The following CHSY3 variants were observed in gnomAD, a reference collection of about 807,000 sequenced individuals.
CHSY3 encodes N-acetylgalactosaminyl-proteoglycan 3-beta-glucuronosyltransferase 3.
CHSY3 carries 35 observed loss-of-function variants against 67.2 expected under a neutral mutation model. That is an observed-to-expected ratio of 0.52 (90% CI 0.40 to 0.69). The LOEUF is 0.69. Among genes scored for constraint, CHSY3 ranks in the 30% least tolerant of loss-of-function variants. The probability of loss-of-function intolerance (pLI) is 0.00; values close to 1 mark genes in which losing one functional copy is unlikely to be tolerated. For missense variants in CHSY3, 1,069 were observed against 1,138.5 expected (o/e 0.94, Z 0.88); for synonymous variants, 474 against 434.7 (o/e 1.09, Z -1.12).
intron 2 of CHSY3, among the ~76,000 whole-genome samples, chr5:129,944,584 C>T (rs891734080): frequency 5.3e-5 from 8 of 152,066 alleles, no homozygotes; most frequent in South Asian, 2.1e-4. Flanking sequence ...CTGCCCACCT[C>T]GGCCTTCCAA....
intron 2 of CHSY3, chr5:129,974,928 G>C (rs572404398): frequency 2.4e-4 from 37 of 152,250 alleles, no homozygotes; most frequent in African/African-American, 8.7e-4. Context: ...CACTCCCCTT[G>C]ACAAGGATGG....
At chr5:130,143,159 T>C (rs903807073) in intron 2 of CHSY3, among the ~76,000 whole-genome samples, 8 of 152,196 alleles carry the variant, frequency 5.3e-5, no homozygotes, top group Non-Finnish European at 1.2e-4. Flanking sequence ...GTGATTGCCT[T>C]ACCCATAAAG....
chr5:130,119,799 C>T (rs1480923972), intron 2 of CHSY3, among the ~76,000 whole-genome samples: 1 of 151,978 alleles, frequency 6.6e-6, no homozygotes, highest in Non-Finnish European at 1.5e-5. Flanking sequence ...ACTATCACTC[C>T]TCTTAATATC....
chr5:130,130,374 G>T (rs1768442300), intron 2 of CHSY3, among the ~76,000 whole-genome samples: 1 of 152,038 alleles, frequency 6.6e-6, no homozygotes, highest in Non-Finnish European at 1.5e-5. Flanking sequence ...TAAATCTATG[G>T]TGTATATCTG....
intron 2 of CHSY3, chr5:130,139,983 G>A (rs1189082608): frequency 6.6e-6 from 1 of 152,616 alleles, no homozygotes; most frequent in Non-Finnish European, 1.5e-5. Context: ...ATAGCTTTTG[G>A]GATTCCTGTG....
chr5:129,955,483 C>T (rs1029584747), intron 2 of CHSY3, among the ~76,000 whole-genome samples: 3 of 150,626 alleles, frequency 2.0e-5, no homozygotes, highest in African/African-American at 7.3e-5. Flanking sequence ...CTTCCTTCCT[C>T]CTTTCTTTCC....
At chr5:129,989,246 G>A (rs1240404772) in intron 2 of CHSY3, among the ~76,000 whole-genome samples, 1 of 142,286 alleles carries the variant, frequency 7.0e-6, no homozygotes, top group Non-Finnish European at 1.5e-5. Context: ...GAAAGCAAGA[G>A]GGCAACAAAC....
At chr5:130,027,455 T>A (rs1764578358) in intron 2 of CHSY3, among the ~76,000 whole-genome samples, 2 of 152,068 alleles carry the variant, frequency 1.3e-5, no homozygotes, top group South Asian at 2.1e-4. Context: ...GTTTTTTACA[T>A]CTTAATATAT....
intron 2 of CHSY3, among the ~76,000 whole-genome samples, chr5:130,044,948 G>A (rs535649548): frequency 1.3e-5 from 2 of 152,140 alleles, no homozygotes; most frequent in South Asian, 2.1e-4. Context: ...AAAAAATGGC[G>A]GCTAGCATAC....
chr5:130,005,367 A>T (rs1278670564), intron 2 of CHSY3, among the ~76,000 whole-genome samples: 1 of 152,000 alleles, frequency 6.6e-6, no homozygotes, highest in African/African-American at 2.4e-5. Context: ...GTGAGCCGAG[A>T]TTGCGCCACT....
At chr5:130,091,138 A>ACACACACACG (rs201758100) in intron 2 of CHSY3, among the ~76,000 whole-genome samples, 30 of 98,972 alleles carry the variant, frequency 3.0e-4, no homozygotes, top group African/African-American at 1.0e-3. Flanking sequence ...ACACACACGC[A>ACACACACACG]CACGCGCGCA....
intron 2 of CHSY3, among the ~76,000 whole-genome samples, chr5:130,146,450 G>C (rs1335456381): frequency 1.3e-5 from 2 of 152,222 alleles, no homozygotes; most frequent in East Asian, 3.9e-4. Context: ...CCAGAGACTG[G>C]AGAGGGAAGG....
chr5:130,177,323 TC>T (rs1317623257), intron 2 of CHSY3, among the ~76,000 whole-genome samples: 2 of 152,010 alleles, frequency 1.3e-5, no homozygotes, highest in East Asian at 3.9e-4. Flanking sequence ...AACAATCCCT[TC>T]TTTTTGCCTT....
chr5:130,075,056 A>T (rs561347795), intron 2 of CHSY3, among the ~76,000 whole-genome samples: 7 of 152,208 alleles, frequency 4.6e-5, no homozygotes, highest in Non-Finnish European at 7.4e-5. Context: ...CTAGAGTCAC[A>T]CCCATTTACG....
chr5:129,917,864 T>A (rs1262243736), intron 2 of CHSY3, among the ~76,000 whole-genome samples: 1 of 152,238 alleles, frequency 6.6e-6, no homozygotes, highest in Non-Finnish European at 1.5e-5. Flanking sequence ...AGGTGAGGCC[T>A]GCAGCATGGA....
chr5:130,040,442 A>G (rs1415928341), intron 2 of CHSY3, among the ~76,000 whole-genome samples: 2 of 152,098 alleles, frequency 1.3e-5, no homozygotes, highest in African/African-American at 2.4e-5. Flanking sequence ...ATGTAATAAT[A>G]TGTATTTGAG....
intron 2 of CHSY3, among the ~76,000 whole-genome samples, chr5:130,144,410 A>G (rs1769009879): frequency 6.6e-6 from 1 of 152,160 alleles, no homozygotes; most frequent in African/African-American, 2.4e-5. Flanking sequence ...TATTTACAAT[A>G]GCTGCATAAA....
intron 2 of CHSY3, among the ~76,000 whole-genome samples, chr5:129,971,057 A>G (rs1046327999): frequency 6.6e-6 from 1 of 151,880 alleles, no homozygotes; most frequent in Admixed American, 6.6e-5. Context: ...AAAATATGTG[A>G]AACTATTTAG....
intron 2 of CHSY3, among the ~76,000 whole-genome samples, chr5:130,178,227 TTATATA>T (rs1554088379): frequency 8.5e-4 from 56 of 65,820 alleles, no homozygotes; most frequent in Admixed American, 9.9e-4. Flanking sequence ...ATATTTATAT[TTATATA>T]TATATATATA....
Sources: allele counts gnomAD v4.1 joint callset (sites outside exome capture counted in the v4.1 genomes callset), GRCh38; gene constraint gnomAD v4.1.1; transcripts MANE v1.5; gene names NCBI Gene and HGNC (gene_info 2026-07-23, HGNC 2026-07-21).